UMAD1: variants seen among roughly 807,000 people sequenced by gnomAD.
UMAD1 encodes UBAP1-MVB12-associated (UMA)-domain containing protein 1.
UMAD1 carries 8 observed loss-of-function variants against 6.1 expected under a neutral mutation model. The ratio of observed to expected loss-of-function variants is 1.30; its 90% CI spans 0.76 to 2.35. UMAD1 has a LOEUF of 2.35. Among genes scored for constraint, UMAD1 ranks in the 30% most tolerant of loss-of-function variants. The pLI, the probability that UMAD1 is intolerant of heterozygous loss-of-function variation, is 0.00. For synonymous variants in UMAD1, 56 were observed against 31.4 expected, an observed-to-expected ratio of 1.78 and a Z score of -2.61; for missense variants, 130 against 78.4, an observed-to-expected ratio of 1.66 and a Z score of -2.49.
chr7:7,836,184 A>G (rs1039070007), intron 3 of UMAD1, among the ~76,000 whole-genome samples: 1 of 152,190 alleles, frequency 6.6e-6, no homozygotes, highest in East Asian at 1.9e-4. Flanking sequence ...TTTGTGTACA[A>G]TAATTTAACC....
intron 2 of UMAD1, among the ~76,000 whole-genome samples, chr7:7,707,478 G>T (rs1388150247): frequency 6.6e-6 from 1 of 152,172 alleles, no homozygotes; most frequent in Non-Finnish European, 1.5e-5. Context: ...CCATTTGGCA[G>T]TGGGAATGCC....
chr7:7,702,132 T>C (rs1049186195), intron 2 of UMAD1, among the ~76,000 whole-genome samples: 1 of 152,206 alleles, frequency 6.6e-6, no homozygotes, highest in Admixed American at 6.5e-5. Context: ...TTTTCTATTG[T>C]GTTTGTGATT....
At chr7:7,665,727 C>G (rs1214436984) in intron 1 of UMAD1, among the ~76,000 whole-genome samples, 1 of 152,022 alleles carries the variant, frequency 6.6e-6, no homozygotes, top group Non-Finnish European at 1.5e-5. Flanking sequence ...CTCTGATATA[C>G]TTTCTTTCAC....
intron 2 of UMAD1, among the ~76,000 whole-genome samples, chr7:7,750,495 A>G (rs1347298438): frequency 1.3e-5 from 2 of 152,210 alleles, no homozygotes; most frequent in Non-Finnish European, 2.9e-5. Flanking sequence ...TCCAATTAGA[A>G]TAACTACCTG....
intron 2 of UMAD1, among the ~76,000 whole-genome samples, chr7:7,680,795 C>G (rs1779890259): frequency 6.6e-6 from 1 of 151,410 alleles, no homozygotes; most frequent in African/African-American, 2.4e-5. Flanking sequence ...TTTTATTTTA[C>G]TGGTAGCTTT....
At chr7:7,704,505 C>T (rs562153209) in intron 2 of UMAD1, among the ~76,000 whole-genome samples, 4 of 150,644 alleles carry the variant, frequency 2.7e-5, no homozygotes, top group Non-Finnish European at 5.9e-5. Flanking sequence ...CCTGTAATCC[C>T]AGCACTTTGG....
rs974792190 is a variant in UMAD1, at chr7:7,654,715, C to T, written c.-64+13894C>T. ...GCTAGGAGTTCGAGACCAGCCTGGC[C>T]AATATGGTGAAACCCCATCTCTACT... On this transcript the variant is annotated intron_variant, in intron 1 of 3. Coordinates refer to ENST00000682710, the MANE Select transcript of UMAD1 (RefSeq NM_001302348.2). Among the ~76,000 whole-genome samples, 6 of 152,046 alleles carry T rather than the reference C, an allele frequency of 3.9e-5. No individual in the cohort carries two copies. In the East Asian group the frequency reaches 9.6e-4, roughly 24 times the overall value.
chr7:7,650,206 G>A (rs1785192844), intron 1 of UMAD1, among the ~76,000 whole-genome samples: 2 of 152,088 alleles, frequency 1.3e-5, no homozygotes, highest in Non-Finnish European at 2.9e-5. Flanking sequence ...CACAATTTAC[G>A]TTCTTGTAAC....
intron 3 of UMAD1, among the ~76,000 whole-genome samples, chr7:7,808,844 G>T (rs753966905): frequency 2.0e-5 from 3 of 151,868 alleles, no homozygotes; most frequent in Non-Finnish European, 4.4e-5. Context: ...TATGCATATG[G>T]AGACACATAT....
intron 2 of UMAD1, among the ~76,000 whole-genome samples, chr7:7,688,882 G>C (rs1780102620): frequency 6.6e-6 from 1 of 152,032 alleles, no homozygotes; most frequent in Non-Finnish European, 1.5e-5. Flanking sequence ...AGAAAACTTG[G>C]TAATATCTTC....
At chr7:7,808,908 T>C (rs947309710) in intron 3 of UMAD1, among the ~76,000 whole-genome samples, 58 of 152,046 alleles carry the variant, frequency 3.8e-4, no homozygotes, top group African/African-American at 1.4e-3. Context: ...TAAAGATTAT[T>C]ATCAGCTGGT....
chr7:7,689,862 G>C (rs1214260814), intron 2 of UMAD1, among the ~76,000 whole-genome samples: 2 of 152,134 alleles, frequency 1.3e-5, no homozygotes, highest in Non-Finnish European at 2.9e-5. Context: ...CCATATTACT[G>C]CTACAAAGCA....
At chr7:7,814,203 C>G (rs1309505221) in intron 3 of UMAD1, among the ~76,000 whole-genome samples, 1 of 152,128 alleles carries the variant, frequency 6.6e-6, no homozygotes. Context: ...CCAGGATGGT[C>G]TTGATCTCTT....
At chr7:7,845,561 G>A (rs2115318662) in intron 3 of UMAD1, among the ~76,000 whole-genome samples, 1 of 152,138 alleles carries the variant, frequency 6.6e-6, no homozygotes, top group South Asian at 2.1e-4. Context: ...ATTATAAGAG[G>A]AAATGTCTAT....
At chr7:7,656,135 A>G (rs1458976067) in intron 1 of UMAD1, among the ~76,000 whole-genome samples, 1 of 152,042 alleles carries the variant, frequency 6.6e-6, no homozygotes, top group Non-Finnish European at 1.5e-5. Context: ...GCGCCTGGCC[A>G]GGACAGGCTC....
intron 3 of UMAD1, among the ~76,000 whole-genome samples, chr7:7,809,854 G>T (rs904569793): frequency 6.6e-6 from 1 of 151,968 alleles, no homozygotes; most frequent in African/African-American, 2.4e-5. Flanking sequence ...CTGTAGGGAC[G>T]CGTTTCCTTG....
chr7:7,665,489 A>G (rs960172095), intron 1 of UMAD1, among the ~76,000 whole-genome samples: 37 of 152,248 alleles, frequency 2.4e-4, no homozygotes, highest in Admixed American at 2.3e-3. Context: ...TAAAACTTAC[A>G]TGTGACATCT....
intron 2 of UMAD1, among the ~76,000 whole-genome samples, chr7:7,707,168 C>CA (rs1780625559): frequency 6.6e-6 from 1 of 152,042 alleles, no homozygotes; most frequent in Non-Finnish European, 1.5e-5. Flanking sequence ...AATAAACAGG[C>CA]AAAATCAGTT....
At chr7:7,686,777 G>A (rs1038380586) in intron 2 of UMAD1, among the ~76,000 whole-genome samples, 2 of 152,144 alleles carry the variant, frequency 1.3e-5, no homozygotes, top group African/African-American at 4.8e-5. Flanking sequence ...TTCCAGTTAG[G>A]TGTGAAGATT....
Sources: gnomAD v4.1 joint callset for allele counts (sites outside exome capture counted in the v4.1 genomes callset) on GRCh38, gnomAD v4.1.1 for gene constraint, MANE v1.5 for transcripts, NCBI Gene and HGNC (gene_info 2026-07-23, HGNC 2026-07-21) for gene names.